TBC1D22A: variants seen among roughly 807,000 people sequenced by gnomAD.
The protein encoded by TBC1D22A is TBC1 domain family member 22A.
In TBC1D22A, 38 loss-of-function variants were observed where a neutral mutation model predicts 60.2. That is an observed-to-expected ratio of 0.63 (90% confidence interval 0.49 to 0.83). The LOEUF (loss-of-function observed/expected upper bound fraction) is 0.83. TBC1D22A is among the 40% of genes least tolerant of loss of function. TBC1D22A has a pLI of 0.00. For missense variants in TBC1D22A, 628 were observed against 701.0 expected (o/e 0.90, Z 1.18); for synonymous variants, 302 against 281.7 (o/e 1.07, Z -0.72).
chr22:46,988,230 C>A (rs2074803252), intron 9 of TBC1D22A, among the ~76,000 whole-genome samples: 1 of 152,212 alleles, frequency 6.6e-6, no homozygotes, highest in Non-Finnish European at 1.5e-5. Context: ...TAGTTACTTC[C>A]TCCACTGAAG....
At chr22:47,071,898 G>A (rs1024061715) in intron 11 of TBC1D22A, among the ~76,000 whole-genome samples, 64 of 152,172 alleles carry the variant, frequency 4.2e-4, no homozygotes, top group Non-Finnish European at 1.5e-5. Context: ...AACGTGTGGT[G>A]TGTTTGGCTG....
intron 4 of TBC1D22A, among the ~76,000 whole-genome samples, chr22:46,807,140 T>C (rs1569065454): frequency 6.6e-6 from 1 of 152,080 alleles, no homozygotes; most frequent in Non-Finnish European, 1.5e-5. Context: ...AGAAGGAAAG[T>C]TGGAAGACAG....
chr22:46,879,496 A>G (rs1263660794), intron 5 of TBC1D22A, among the ~76,000 whole-genome samples: 1 of 152,232 alleles, frequency 6.6e-6, no homozygotes, highest in Non-Finnish European at 1.5e-5. Context: ...GACTTTTAGT[A>G]TTTAAGACTC....
rs114408461 is a variant in TBC1D22A at position 47,086,476 on chromosome 22, A to T, written c.1330-25032A>T. 8.3e-3 allele frequency among the ~76,000 whole-genome samples: 1,265 copies of T among 152,274 alleles called. 19 individuals carry two copies. The highest frequency in any genetic ancestry group is 0.029 in the African/African-American group (1,210 of 41,532). The stretch of plus-strand genomic sequence containing the variant: ...ATCTCAAACAAACAAACAAACAAAC[A>T]AACTAAAAACAAACCGTAGCCTTAA... On this transcript the variant is annotated intron_variant, in intron 11 of 12. Coordinates refer to ENST00000337137, the MANE Select transcript of TBC1D22A (RefSeq NM_014346.5).
chr22:46,847,039 C>T (rs967733744), intron 4 of TBC1D22A, among the ~76,000 whole-genome samples: 3 of 152,160 alleles, frequency 2.0e-5, no homozygotes, highest in African/African-American at 7.2e-5. Flanking sequence ...GCCTTGGAGG[C>T]CATCAGCCTT....
Position 46,932,720 on chromosome 22 carries a change from C to CTT in TBC1D22A, c.1015+20553_1015+20554dup, listed in dbSNP as rs67463903. 9.2e-4 allele frequency among the ~76,000 whole-genome samples: 61 copies of CTT among 66,306 alleles called. 1 individual carries two copies. The highest frequency in any genetic ancestry group is 3.1e-3 in the South Asian group (4 of 1,278). The allele number at this position is 66,306 out of a possible 152,430, so 43.5% of individuals were successfully genotyped here. A position where few individuals can be genotyped will look rare whatever the true frequency, so the allele number is the denominator to read the frequency against. Reference sequence around the variant, plus strand: ...AGTGCAGTGTGCGTTGTCCTTCTTGCTTTTTTTTTTTTTTTTTTTTTTGAG... The same window carrying CTT: ...AGTGCAGTGTGCGTTGTCCTTCTTGCTTTTTTTTTTTTTTTTTTTTTTTTGAG... On this transcript the variant is annotated intron_variant, in intron 8 of 12. Transcript: ENST00000337137.
intron 11 of TBC1D22A, among the ~76,000 whole-genome samples, chr22:47,063,879 G>T (rs1407842669): frequency 6.6e-6 from 1 of 152,156 alleles, no homozygotes; most frequent in Non-Finnish European, 1.5e-5. Flanking sequence ...CTCCCATTGT[G>T]TGGCTGTGTC....
chr22:46,869,012 C>T (rs1049469167), intron 4 of TBC1D22A, among the ~76,000 whole-genome samples: 5 of 152,228 alleles, frequency 3.3e-5, no homozygotes, highest in Non-Finnish European at 5.9e-5. Flanking sequence ...TTGGCCGCTC[C>T]GTGTTGGCGT....
chr22:47,063,259 C>T (rs5767468), intron 11 of TBC1D22A, among the ~76,000 whole-genome samples: 40,506 of 152,008 alleles, frequency 0.27, 6,012 homozygotes, highest in East Asian at 0.57. Context: ...GGCTCTGATG[C>T]GCAGCCAAGG....
intron 4 of TBC1D22A, among the ~76,000 whole-genome samples, chr22:46,836,301 T>A (rs2086516899): frequency 6.6e-6 from 1 of 152,180 alleles, no homozygotes; most frequent in African/African-American, 2.4e-5. Context: ...GTAAATTAAT[T>A]ATGGTATCAA....
intron 8 of TBC1D22A, among the ~76,000 whole-genome samples, chr22:46,970,955 G>A (rs1247019187): frequency 6.6e-6 from 1 of 152,130 alleles, no homozygotes; most frequent in Non-Finnish European, 1.5e-5. Context: ...CCCTCACCCC[G>A]CTGTCACAGC....
At chr22:46,941,856 TG>T (rs2072171939) in intron 8 of TBC1D22A, among the ~76,000 whole-genome samples, 2 of 147,082 alleles carry the variant, frequency 1.4e-5, no homozygotes, top group South Asian at 4.2e-4. Context: ...GTATAGAATA[TG>T]TATAGAATAT....
intron 11 of TBC1D22A, among the ~76,000 whole-genome samples, chr22:47,069,072 A>G (rs1157622984): frequency 6.6e-6 from 1 of 152,216 alleles, no homozygotes; most frequent in African/African-American, 2.4e-5. Flanking sequence ...TCAACCCACA[A>G]TGGCTCATAA....
At chr22:46,827,616 C>T (rs2086127313) in intron 4 of TBC1D22A, among the ~76,000 whole-genome samples, 1 of 152,166 alleles carries the variant, frequency 6.6e-6, no homozygotes, top group African/African-American at 2.4e-5. Context: ...ATCGGCCTGC[C>T]CAGAGAGAGC....
chr22:46,779,102 CAT>C (rs557811153), intron 1 of TBC1D22A, among the ~76,000 whole-genome samples: 127 of 152,312 alleles, frequency 8.3e-4, no homozygotes, highest in African/African-American at 2.8e-3. Context: ...AAAGCAGTAG[CAT>C]AGTTGTTCAT....
chr22:46,848,592 C>G (rs977490394), intron 4 of TBC1D22A, among the ~76,000 whole-genome samples: 11 of 152,170 alleles, frequency 7.2e-5, no homozygotes, highest in Admixed American at 3.3e-4. Flanking sequence ...CAGGTAGGCT[C>G]TCTCTGGTAC....
intron 11 of TBC1D22A, among the ~76,000 whole-genome samples, chr22:47,066,518 C>A (rs763860612): frequency 3.9e-5 from 6 of 152,238 alleles, no homozygotes; most frequent in Non-Finnish European, 7.3e-5. Context: ...CCTCTGTTTG[C>A]ATCCCTTGGT....
intron 7 of TBC1D22A, among the ~76,000 whole-genome samples, chr22:46,904,142 T>TCTGCCTACCTACCTACCTAC (rs369598619): frequency 0.01 from 1,368 of 134,556 alleles, 33 homozygotes; most frequent in African/African-American, 0.038. Flanking sequence ...TATCTATCTA[T>TCTGCCTACCTACCTACCTAC]CTACCTACCT....
At chr22:46,894,880 T>C in intron 7 of TBC1D22A, 34 bp downstream of exon 7, 1 of 1,611,966 alleles carries the variant, frequency 6.2e-7, no homozygotes, top group South Asian at 1.1e-5. Flanking sequence ...GTTCCCCTCG[T>C]TGGGAGTGGC....
Sources: allele counts gnomAD v4.1 joint callset (sites outside exome capture counted in the v4.1 genomes callset), GRCh38; gene constraint gnomAD v4.1.1; transcripts MANE v1.5; gene names NCBI Gene and HGNC (gene_info 2026-07-23, HGNC 2026-07-21).